Variants in SLC39A8 observed in about 807,000 individuals in gnomAD.
SLC39A8 encodes the protein metal cation symporter ZIP8.
SLC39A8 carries 15 observed loss-of-function variants against 40.4 expected under a neutral mutation model. The observed-to-expected ratio is 0.37, with a 90% CI of 0.25 to 0.57. The LOEUF is 0.57. Among genes scored for constraint, SLC39A8 ranks in the 20% least tolerant of loss-of-function variants. SLC39A8 has a pLI of 0.75. For synonymous variants in SLC39A8, 223 were observed against 221.6 expected (o/e 1.01, Z -0.06); for missense variants, 472 against 558.8 (o/e 0.84, Z 1.57).
At position 102,282,546 on chromosome 4, in the gene SLC39A8, TG is replaced by T. The variant is rs1191088487; in HGVS notation, c.841-14468del. ...ATTAAAATCTCCTGGCAGGACAAGA[TG>T]TTTTTTTCCTTTTTGGCCGAGAATT... is the stretch of plus-strand genomic sequence containing the variant. On this transcript the variant is annotated intron_variant, in intron 6 of 8. Coordinates refer to ENST00000356736, the MANE Select transcript of SLC39A8 (RefSeq NM_001135146.2). Among the ~76,000 whole-genome samples the T allele has an allele frequency of 5.9e-5, 9 of 152,318 alleles. 1 individual carries two copies. Among genetic ancestry groups the T allele is most frequent in the African/African-American group, 1.9e-4 (8 of 41,580 alleles).
At chr4:102,297,032 G>A (rs891943867) in intron 6 of SLC39A8, among the ~76,000 whole-genome samples, 1 of 152,058 alleles carries the variant, frequency 6.6e-6, no homozygotes, top group African/African-American at 2.4e-5. Context: ...CCAGGTGTCT[G>A]AGGTTACAAT....
chr4:102,320,187 ATATG>A (rs1481762691), intron 2 of SLC39A8, among the ~76,000 whole-genome samples: 3,320 of 90,434 alleles, frequency 0.037, 50 homozygotes, highest in Non-Finnish European at 0.053. Flanking sequence ...ATATATATAT[ATATG>A]TATATATATA....
chr4:102,260,592 G>A (rs6832846), downstream of SLC39A8, among the ~76,000 whole-genome samples: 123,233 of 152,192 alleles, frequency 0.81, 50,802 homozygotes, highest in African/African-American at 0.95. Context: ...CAGAGCTAAT[G>A]GATTAAAGGA....
At chr4:102,344,986 G>C (rs1470905608) in intron 1 of SLC39A8, 71 bp from the exon 2 acceptor site, 4 of 1,015,816 alleles carry the variant, frequency 3.9e-6, no homozygotes, top group Non-Finnish European at 4.9e-6. Flanking sequence ...CTCCAGAAAC[G>C]CTGCGTGGCA....
At chr4:102,292,101 A>G (rs762150232) in intron 6 of SLC39A8, among the ~76,000 whole-genome samples, 1 of 151,994 alleles carries the variant, frequency 6.6e-6, no homozygotes, top group African/African-American at 2.4e-5. Context: ...GAAAGGAAAA[A>G]TAAGATTTAG....
downstream of SLC39A8, among the ~76,000 whole-genome samples, chr4:102,260,547 C>T (rs1321387779): frequency 6.6e-6 from 1 of 152,172 alleles, no homozygotes; most frequent in African/African-American, 2.4e-5. Context: ...GAGCATGAAG[C>T]AATCTTGAAG....
chr4:102,279,468 G>A (rs1375708148), intron 6 of SLC39A8, among the ~76,000 whole-genome samples: 1 of 152,102 alleles, frequency 6.6e-6, no homozygotes, highest in Non-Finnish European at 1.5e-5. Context: ...CTTCCCGATA[G>A]TCCTGGTCAA....
At chr4:102,327,658 A>C (rs1372216678) in intron 2 of SLC39A8, among the ~76,000 whole-genome samples, 1 of 152,236 alleles carries the variant, frequency 6.6e-6, no homozygotes, top group Non-Finnish European at 1.5e-5. Flanking sequence ...TAAGATCATA[A>C]AAATCTACAG....
intron 6 of SLC39A8, among the ~76,000 whole-genome samples, chr4:102,279,263 T>C (rs1732771121): frequency 6.6e-6 from 1 of 152,158 alleles, no homozygotes; most frequent in African/African-American, 2.4e-5. Context: ...ATTTTCTGAT[T>C]CACTGGAAGT....
rs1279320722 is a variant in SLC39A8 at position 102,261,757 on chromosome 4, T to G, written c.*1287A>C. 1 of 983,124 alleles carries G rather than the reference T, an allele frequency of 1.0e-6. No individual in the cohort carries two copies. The highest frequency in any genetic ancestry group is 1.7e-5 in the African/African-American group (1 of 57,186). 60.9% of individuals were successfully genotyped at this position (983,124 alleles called of 1,614,324 possible). On this transcript the variant is annotated 3_prime_UTR_variant, in exon 9 of 9. Coordinates refer to ENST00000356736, the MANE Select transcript of SLC39A8 (RefSeq NM_001135146.2). ...TACATACTAAAATATATATTAAATA[T>G]TCACCAAATCTGCATTGCTGCTACA...
intron 2 of SLC39A8, among the ~76,000 whole-genome samples, chr4:102,329,822 C>T (rs1360111507): frequency 6.6e-6 from 1 of 152,094 alleles, no homozygotes; most frequent in African/African-American, 2.4e-5. Context: ...GTAATCATAA[C>T]AAACTGTCTC....
At chr4:102,269,553 A>T (rs1732252328) in intron 6 of SLC39A8, among the ~76,000 whole-genome samples, 1 of 152,228 alleles carries the variant, frequency 6.6e-6, no homozygotes, top group South Asian at 2.1e-4. Context: ...CAAATACCGA[A>T]TTCATTTGGA....
At position 102,287,518 on chromosome 4, in the gene SLC39A8, A is replaced by G. The variant is rs1219014166; in HGVS notation, c.840+16799T>C. On this transcript the variant is annotated intron_variant, in intron 6 of 8. Transcript: ENST00000356736. ...CATCCTTGACCATTTCGCTTTCATC[A>G]TGTTCCATCCCAATATGCGCCACTC... Among the ~76,000 whole-genome samples, 3 of 152,150 alleles carry G rather than the reference A, an allele frequency of 2.0e-5. No homozygotes were observed. In the East Asian group the frequency reaches 5.8e-4, roughly 29 times the overall value.
intron 6 of SLC39A8, among the ~76,000 whole-genome samples, chr4:102,290,621 C>T (rs779739749): frequency 1.3e-5 from 2 of 152,134 alleles, no homozygotes; most frequent in Non-Finnish European, 2.9e-5. Flanking sequence ...CTGTGTAGTA[C>T]ATGGTTGAGT....
intron 2 of SLC39A8, among the ~76,000 whole-genome samples, chr4:102,320,434 A>G (rs1454875582): frequency 6.4e-5 from 5 of 77,838 alleles, no homozygotes; most frequent in African/African-American, 9.3e-5. Flanking sequence ...ATATATATAT[A>G]TGAGAATATA....
chr4:102,307,202 C>CT (rs1291812534), intron 4 of SLC39A8, among the ~76,000 whole-genome samples: 1 of 152,056 alleles, frequency 6.6e-6, no homozygotes, highest in Non-Finnish European at 1.5e-5. Context: ...CCAGAGCTGT[C>CT]TGAGCACGTC....
intron 6 of SLC39A8, 37 bp from the exon 7 acceptor site, chr4:102,268,116 C>G (rs768802227): frequency 6.2e-7 from 1 of 1,603,242 alleles, no homozygotes; most frequent in Non-Finnish European, 8.5e-7. Context: ...ACCAACATTT[C>G]TTGAAAGTCT....
At position 102,262,827 on chromosome 4, in the gene SLC39A8, T is replaced by C. The variant is rs1731924467; in HGVS notation, c.*217A>G. 5 of 1,329,634 alleles carry C rather than the reference T, an allele frequency of 3.8e-6. No individual in the cohort carries two copies. In the South Asian group the frequency reaches 8.1e-5, roughly 22 times the overall value. 82.4% of individuals were successfully genotyped at this position (1,329,634 alleles called of 1,614,324 possible). On this transcript the variant is annotated 3_prime_UTR_variant, in exon 9 of 9. Coordinates refer to ENST00000356736, the MANE Select transcript of SLC39A8 (RefSeq NM_001135146.2). The stretch of plus-strand genomic sequence containing the variant: ...TAGGTATTTCCCAAAGGCTCCTATA[T>C]ACCAGGCATCTCAGACTGACACTGA...
At chr4:102,287,177 T>C (rs1733220642) in intron 6 of SLC39A8, among the ~76,000 whole-genome samples, 1 of 152,144 alleles carries the variant, frequency 6.6e-6, no homozygotes. Flanking sequence ...TATTTCTCTA[T>C]ATCAGAGAGT....
Sources: allele counts gnomAD v4.1 joint callset (sites outside exome capture counted in the v4.1 genomes callset), GRCh38; gene constraint gnomAD v4.1.1; transcripts MANE v1.5; gene names NCBI Gene and HGNC (gene_info 2026-07-23, HGNC 2026-07-21).